INTS1: variants seen among roughly 807,000 people sequenced by gnomAD.
INTS1 encodes integrator complex subunit 1.
A neutral mutation model predicts 241.6 loss-of-function variants in INTS1; 137 were observed. The observed-to-expected ratio is 0.57, with a 90% CI of 0.49 to 0.65. The LOEUF (loss-of-function observed/expected upper bound fraction) is 0.65, where lower values mean the gene tolerates loss of function less well. Among genes scored for constraint, INTS1 ranks in the 30% least tolerant of loss-of-function variants. INTS1 has a pLI of 0.00. For synonymous variants in INTS1, 1,692 were observed against 1,337.8 expected, an observed-to-expected ratio of 1.26 and a Z score of -5.78; for missense variants, 3,073 against 3,032.2, an observed-to-expected ratio of 1.01 and a Z score of -0.32.
intron 5 of INTS1, 84 bp from the exon 6 acceptor site, chr7:1,499,716 G>T: frequency 6.7e-7 from 1 of 1,498,142 alleles, no homozygotes; most frequent in Non-Finnish European, 9.0e-7. Flanking sequence ...CCGGGGACTG[G>T]GTGCCCAGGC....
chr7:1,485,210 G>A lies in INTS1; in HGVS notation c.3157-8C>T. 4.4e-6 allele frequency: 7 copies of A among 1,599,544 alleles called. No homozygotes were observed. The highest frequency in any genetic ancestry group is 5.9e-6 in the Non-Finnish European group (7 of 1,178,786). On this transcript the variant is annotated splice_region_variant and splice_polypyrimidine_tract_variant and intron_variant, in intron 23 of 47. Coordinates refer to ENST00000404767, the MANE Select transcript of INTS1 (RefSeq NM_001080453.3). The stretch of plus-strand genomic sequence containing the variant: ...AGTCTCCATGTGGATTGCCTGGAGG[G>A]GAGGGTGGTCTGAGCGGCAACAGGG...
rs532089553 is a variant in INTS1, at chr7:1,498,733, G to A, written c.1257C>T (p.Leu419=). ...LIKIRLKPKV[L]LNHFMLCIRE... ...TGATGCACAGCATGAAGTGGTTGAG[G>A]AGGACCTTGGGCTTGAGGCGGATCT... The change falls in exon 9 of 48, where the codon CTC becomes CTT. Residue 419 remains leucine, a synonymous_variant. Coordinates refer to ENST00000404767, the MANE Select transcript of INTS1 (RefSeq NM_001080453.3). 3 of 1,559,804 alleles carry A rather than the reference G, an allele frequency of 1.9e-6. No individual in the cohort carries two copies. Among genetic ancestry groups the A allele is most frequent in the African/African-American group, 1.4e-5 (1 of 73,530 alleles).
rs1020081662 is a variant in INTS1 at position 1,475,700 on chromosome 7, A to C, written c.5502+248T>G. 4.6e-5 allele frequency among the ~76,000 whole-genome samples: 7 copies of C among 152,364 alleles called. No homozygotes were observed. In the East Asian group the frequency reaches 1.4e-3, roughly 29 times the overall value. On this transcript the variant is annotated intron_variant, in intron 39 of 47. Transcript: ENST00000404767. The stretch of plus-strand genomic sequence containing the variant: ...GAACAGATAAACCAACGGCCGATCC[A>C]CACAATGGCAGGCCACCCAGTGCCC...
Position 1,478,330 on chromosome 7 carries a change from C to A in INTS1, c.4630+36G>T, listed in dbSNP as rs370056369. ...GCCTCAGGTTTGGGTCTTCCCAGGG[C>A]CGCCGTGGCCCAAGAGGATGGTGCC... is the stretch of plus-strand genomic sequence containing the variant. On this transcript the variant is annotated intron_variant, in intron 33 of 47. Transcript: ENST00000404767. The A allele has an allele frequency of 3.7e-6, 6 of 1,605,278 alleles. No homozygotes were observed. The African/African-American group carries it at 8.0e-5, about 21-fold the overall frequency.
chr7:1,475,380 C>G (rs1386507050), intron 39 of INTS1, among the ~76,000 whole-genome samples: 1 of 151,970 alleles, frequency 6.6e-6, no homozygotes, highest in Non-Finnish European at 1.5e-5. Context: ...CACCCTGCCT[C>G]AAAAACCCTC....
Position 1,503,057 on chromosome 7 carries a change from A to C in INTS1, c.193T>G (p.Leu65Val). Residue 65 changes from leucine (L) to valine (V), a missense_variant, in exon 3 of 48, where the codon TTG (leucine) becomes GTG (valine). Coordinates refer to ENST00000404767, the MANE Select transcript of INTS1 (RefSeq NM_001080453.3). Reference protein sequence around the residue: ...SERKRDAAAALSSASALTGLT... With the variant: ...SERKRDAAAAVSSASALTGLT... Reference sequence around the variant, plus strand: ...CCGGTGAGGGCCGAGGCACTGGACAACGCGGCCGCCGCATCCCGCTTGCGC... The same window carrying C: ...CCGGTGAGGGCCGAGGCACTGGACACCGCGGCCGCCGCATCCCGCTTGCGC... The C allele has an allele frequency of 6.2e-7, 1 of 1,613,314 alleles. No homozygotes were observed.
intron 42 of INTS1, 149 bp downstream of exon 42, chr7:1,473,417 C>A: frequency 9.5e-7 from 1 of 1,055,246 alleles, no homozygotes; most frequent in Non-Finnish European, 1.4e-6. Context: ...GCGGCCTCTG[C>A]GCCCTGGGAT....
chr7:1,495,791 G>A lies in INTS1; in HGVS notation c.1712-238C>T, dbSNP rs1169842448. Among the ~76,000 whole-genome samples the A allele has an allele frequency of 2.0e-5, 3 of 152,136 alleles. No homozygotes were observed. The South Asian group carries it at 6.2e-4, about 31-fold the overall frequency. ...ACTCGCTCCGGTCAATGGCTTAGAG[G>A]GCTTCTGCGGCCCAGCCTTCCTGTG... On this transcript the variant is annotated intron_variant, in intron 12 of 47. Transcript: ENST00000404767.
intron 35 of INTS1, among the ~76,000 whole-genome samples, 184 bp downstream of exon 35, chr7:1,477,366 G>A (rs372449480): frequency 9.9e-5 from 15 of 152,216 alleles, no homozygotes; most frequent in Non-Finnish European, 1.9e-4. Flanking sequence ...CCCTGGCCTG[G>A]GTTCTGCTAG....
Position 1,477,791 on chromosome 7 carries a change from C to G in INTS1, c.4776G>C (p.Glu1592Asp). The G allele has an allele frequency of 6.2e-7, 1 of 1,612,530 alleles. No individual in the cohort carries two copies. The highest frequency in any genetic ancestry group is 8.5e-7 in the Non-Finnish European group (1 of 1,179,824). The change falls in exon 34 of 48, where the codon GAG becomes GAC. Residue 1592 changes from glutamate to aspartate, a missense_variant. By Grantham distance (45) the Glu-to-Asp change is conservative. Transcript: ENST00000404767. The stretch of plus-strand genomic sequence containing the variant: ...CACCCGGCTTCCCCCCAGCCAGGGG[C>G]TCCTCCTCCTGCAGCAGCAGGGAGC... Reference protein sequence around the residue: ...VVSSLLLQEEEPLAGGKPGAD... With the variant: ...VVSSLLLQEEDPLAGGKPGAD...
At chr7:1,498,941 C>CAGGGG in intron 8 of INTS1, 34 bp downstream of exon 8, 1 of 1,344,074 alleles carries the variant, frequency 7.4e-7, no homozygotes, top group Non-Finnish European at 1.0e-6. Context: ...CCCCCACCCC[C>CAGGGG]TGCCCCGCCC....
chr7:1,492,355 G>A (rs1439727991), intron 16 of INTS1, among the ~76,000 whole-genome samples: 2 of 152,154 alleles, frequency 1.3e-5, no homozygotes, highest in East Asian at 1.9e-4. Flanking sequence ...ATCATGCACT[G>A]TAGGATGCCA....
In INTS1 at chr7:1,473,179, A is replaced by T; in HGVS notation, c.5963T>A (p.Leu1988Gln). 6.2e-7 allele frequency: 1 copy of T among 1,608,862 alleles called. No individual in the cohort carries two copies. The highest frequency in any genetic ancestry group is 8.5e-7 in the Non-Finnish European group (1 of 1,177,112). ...LQKHADPLHD[L>Q]SFDNSDLVML... Reference sequence around the variant, plus strand: ...CACCAGGTCACTGTTGTCGAAGGACAGGTCGCTGGGGAGAGAAGATGCTTT... The same window carrying T: ...CACCAGGTCACTGTTGTCGAAGGACTGGTCGCTGGGGAGAGAAGATGCTTT... Residue 1988 changes from leucine (L) to glutamine (Q), a missense_variant, in exon 43 of 48, where the codon CTG becomes CAG. By Grantham distance (113) the Leu-to-Gln change is moderately radical. Transcript: ENST00000404767.
At position 1,491,407 on chromosome 7, in the gene INTS1, C is replaced by T. The variant is rs149394937; in HGVS notation, c.2165+1603G>A. 1.9e-3 allele frequency among the ~76,000 whole-genome samples: 295 copies of T among 152,264 alleles called. 1 individual carries two copies. Among genetic ancestry groups the T allele is most frequent in the Non-Finnish European group, 2.0e-3 (134 of 68,024 alleles). ...ATGGCCACACACACAGGAATGAAGC[C>T]GGACCCCTGCCTCACACCATAAAAA... On this transcript the variant is annotated intron_variant, in intron 16 of 47. Coordinates refer to ENST00000404767, the MANE Select transcript of INTS1 (RefSeq NM_001080453.3).
At chr7:1,479,791 C>A in intron 30 of INTS1, 107 bp from the exon 31 acceptor site, 2 of 1,227,030 alleles carry the variant, frequency 1.6e-6, no homozygotes. Flanking sequence ...CGCGTCCCAT[C>A]GTGTCCCTGT....
At chr7:1,484,247 G>T in intron 24 of INTS1, 77 bp from the exon 25 acceptor site, 1 of 1,447,314 alleles carries the variant, frequency 6.9e-7, no homozygotes, top group Non-Finnish European at 9.4e-7. Flanking sequence ...CCTCGTCGCA[G>T]GCACGCTCTC....
chr7:1,474,384 T>C, intron 40 of INTS1, 24 bp from the exon 41 acceptor site: 4 of 1,563,482 alleles, frequency 2.6e-6, no homozygotes, highest in Non-Finnish European at 3.5e-6. Context: ...GAGGGCCCAG[T>C]CAGCCCCGGC....
At chr7:1,475,798 C>A in intron 39 of INTS1, 150 bp downstream of exon 39, 1 of 1,017,936 alleles carries the variant, frequency 9.8e-7, no homozygotes, top group Non-Finnish European at 1.4e-6. Flanking sequence ...TCAACGCAGA[C>A]AAACCCACAG....
rs976645559 is a variant in INTS1, at chr7:1,487,082, G to T, written c.2666C>A (p.Pro889His). Residue 889 changes from proline to histidine, a missense_variant, in exon 21 of 48, where the codon CCC (proline) becomes CAC (histidine). Physicochemically the swap from Pro to His is moderately conservative, Grantham distance 77 (BLOSUM62 -2). Transcript: ENST00000404767. ...IQRQASSQSM[P>H]WLADLVQSSE... is the part of the protein sequence containing the mutation. ...GGACTGTACCAGGTCCGCCAGCCAG[G>T]GCATGGACTGCGAGGAGGCCTGGGC... is the stretch of plus-strand genomic sequence containing the variant. The T allele has an allele frequency of 3.9e-6, 6 of 1,552,312 alleles. No individual in the cohort carries two copies. The highest frequency in any genetic ancestry group is 8.7e-7 in the Non-Finnish European group (1 of 1,153,032).
Sources: allele counts gnomAD v4.1 joint callset (sites outside exome capture counted in the v4.1 genomes callset), GRCh38; gene constraint gnomAD v4.1.1; transcripts MANE v1.5; gene names NCBI Gene and HGNC (gene_info 2026-07-23, HGNC 2026-07-21).